Variants in ADARB2 observed in about 807,000 individuals in gnomAD.
ADARB2 encodes inactive double-stranded RNA-specific editase B2.
ADARB2 carries 25 observed loss-of-function variants against 62.2 expected under a neutral mutation model. The ratio of observed to expected loss-of-function variants is 0.40; its 90% CI spans 0.29 to 0.56. The LOEUF (loss-of-function observed/expected upper bound fraction) is 0.56. Ranked by LOEUF, ADARB2 falls within the 20% of genes least tolerant of loss-of-function variation. The pLI, the probability that ADARB2 is intolerant of heterozygous loss-of-function variation, is 0.43. For missense variants in ADARB2, 1,071 were observed against 1,077.4 expected, an observed-to-expected ratio of 0.99 and a Z score of 0.08; for synonymous variants, 572 against 500.8, an observed-to-expected ratio of 1.14 and a Z score of -1.90.
intron 1 of ADARB2, among the ~76,000 whole-genome samples, chr10:1,442,416 T>G (rs1412961789): frequency 1.3e-5 from 2 of 152,220 alleles, no homozygotes; most frequent in African/African-American, 4.8e-5. Flanking sequence ...ATGTTTCATG[T>G]TTTCAGTGTG....
chr10:1,605,296 T>C (rs1427079874), intron 1 of ADARB2, among the ~76,000 whole-genome samples: 2 of 152,192 alleles, frequency 1.3e-5, no homozygotes, highest in African/African-American at 4.8e-5. Context: ...GGTTTGCTGG[T>C]CACTGATGCA....
At chr10:1,254,254 G>T (rs1468518305) in intron 4 of ADARB2, among the ~76,000 whole-genome samples, 5 of 151,624 alleles carry the variant, frequency 3.3e-5, no homozygotes, top group African/African-American at 1.2e-4. Context: ...TAGAACTCCA[G>T]TGCCTGTGAG....
chr10:1,181,544 C>T lies in ADARB2; in HGVS notation c.*1649G>A, dbSNP rs1285271381. Reference sequence around the variant, plus strand: ...AAATCCCAGGAAAAGTTTCTTTTTCCATACTAATATCTCTACTTCTTATTA... The same window carrying T: ...AAATCCCAGGAAAAGTTTCTTTTTCTATACTAATATCTCTACTTCTTATTA... On this transcript the variant is annotated 3_prime_UTR_variant, in exon 10 of 10. Coordinates refer to ENST00000381312, the MANE Select transcript of ADARB2 (RefSeq NM_018702.4). 6.6e-6 allele frequency: 1 copy of T among 152,186 alleles called. No homozygotes were observed. Among genetic ancestry groups the T allele is most frequent in the Non-Finnish European group, 1.5e-5 (1 of 68,038 alleles). 9.4% of individuals were successfully genotyped at this position (152,186 alleles called of 1,614,324 possible).
chr10:1,383,891 G>A (rs1025319600), intron 1 of ADARB2, among the ~76,000 whole-genome samples: 3 of 152,174 alleles, frequency 2.0e-5, no homozygotes, highest in African/African-American at 7.2e-5. Context: ...TATCCTTGTA[G>A]TGGCTGCTGA....
chr10:1,436,940 A>T (rs1830840889), intron 1 of ADARB2, among the ~76,000 whole-genome samples: 1 of 152,224 alleles, frequency 6.6e-6, no homozygotes, highest in Non-Finnish European at 1.5e-5. Context: ...GGATAAAAAA[A>T]TCAGAAAAGT....
intron 1 of ADARB2, among the ~76,000 whole-genome samples, chr10:1,491,788 T>G (rs1831625669): frequency 6.6e-6 from 1 of 152,048 alleles, no homozygotes; most frequent in South Asian, 2.1e-4. Context: ...GAAATCAGAG[T>G]GGAAAGACCT....
intron 1 of ADARB2, among the ~76,000 whole-genome samples, chr10:1,522,229 G>A (rs909196271): frequency 1.1e-4 from 16 of 152,296 alleles, no homozygotes; most frequent in Middle Eastern, 6.8e-3. Context: ...AGAGCCTCAC[G>A]TTTGAAGTAG....
chr10:1,680,432 C>T (rs1382737987), intron 1 of ADARB2, among the ~76,000 whole-genome samples: 8 of 152,196 alleles, frequency 5.3e-5, no homozygotes, highest in Non-Finnish European at 5.9e-5. Flanking sequence ...CAGTGTCCTC[C>T]GTAAAGACTG....
chr10:1,308,623 G>C (rs1245398439), intron 3 of ADARB2, among the ~76,000 whole-genome samples: 1 of 152,196 alleles, frequency 6.6e-6, no homozygotes, highest in Admixed American at 6.5e-5. Context: ...CACCAGCAGC[G>C]ACTGAATTTC....
intron 1 of ADARB2, chr10:1,678,133 C>A (rs1834489606): frequency 1.0e-6 from 1 of 984,420 alleles, no homozygotes; most frequent in Non-Finnish European, 1.2e-6. Context: ...TGGGTGAGTG[C>A]AGATGGCAGG....
At chr10:1,431,661 T>C (rs1278533000) in intron 1 of ADARB2, among the ~76,000 whole-genome samples, 1 of 151,948 alleles carries the variant, frequency 6.6e-6, no homozygotes, top group Non-Finnish European at 1.5e-5. Context: ...ATCAGTGAAA[T>C]GAAACTAGTT....
At position 1,426,930 on chromosome 10, in the gene ADARB2, C is replaced by G. The variant is rs544340789; in HGVS notation, c.101-47770G>C. On this transcript the variant is annotated intron_variant, in intron 1 of 9. Coordinates refer to ENST00000381312, the MANE Select transcript of ADARB2 (RefSeq NM_018702.4). This position sits in a 1 kb window ranked among gnomAD's most constrained non-coding sequence, Gnocchi z 4.1. ...GAAAGAGCCGGAGGACCCCTGTCCC[C>G]AAACCCTGCCCATCGGGAAGAGGCC... Among the ~76,000 whole-genome samples, 1 of 152,384 alleles carries G rather than the reference C, an allele frequency of 6.6e-6. No individual in the cohort carries two copies. The highest frequency in any genetic ancestry group is 1.9e-4 in the East Asian group (1 of 5,188).
chr10:1,556,562 A>G (rs1196849635), intron 1 of ADARB2: 2 of 406,376 alleles, frequency 4.9e-6, no homozygotes, highest in Admixed American at 5.9e-5. Context: ...TTTCGACTCC[A>G]TGGTCTGGGG....
intron 1 of ADARB2, among the ~76,000 whole-genome samples, chr10:1,669,504 A>G (rs758559876): frequency 2.0e-5 from 3 of 152,012 alleles, no homozygotes; most frequent in African/African-American, 4.8e-5. Context: ...AGGGAGACAC[A>G]GCTAGACACA....
At chr10:1,247,494 G>C (rs1830996877) in intron 4 of ADARB2, among the ~76,000 whole-genome samples, 3 of 152,066 alleles carry the variant, frequency 2.0e-5, no homozygotes, top group Admixed American at 2.0e-4. Flanking sequence ...ATTATTTTGA[G>C]ATACGTCCCA....
At chr10:1,374,469 G>A (rs997598320) in intron 2 of ADARB2, among the ~76,000 whole-genome samples, 4 of 152,208 alleles carry the variant, frequency 2.6e-5, no homozygotes, top group Non-Finnish European at 5.9e-5. Context: ...AAAGGCCAAC[G>A]CTTTATATTG....
intron 1 of ADARB2, among the ~76,000 whole-genome samples, chr10:1,472,335 G>A (rs1831334170): frequency 6.6e-6 from 1 of 152,206 alleles, no homozygotes; most frequent in African/African-American, 2.4e-5. Flanking sequence ...TGCGGCTCAG[G>A]GGTCAGCCAG....
chr10:1,266,407 G>A (rs1831200953), intron 4 of ADARB2, among the ~76,000 whole-genome samples: 2 of 149,504 alleles, frequency 1.3e-5, no homozygotes, highest in South Asian at 4.2e-4. Flanking sequence ...GGAAGCATTT[G>A]TTCAGCATGA....
chr10:1,205,809 T>A (rs1365441290), intron 7 of ADARB2, among the ~76,000 whole-genome samples: 3 of 152,130 alleles, frequency 2.0e-5, no homozygotes, highest in African/African-American at 4.8e-5. Flanking sequence ...CGAGACTGGG[T>A]AGATGCCATC....
Sources: allele counts gnomAD v4.1 joint callset (sites outside exome capture counted in the v4.1 genomes callset), GRCh38; gene constraint gnomAD v4.1.1; non-coding constraint Gnocchi (gnomAD v3.1); transcripts MANE v1.5; gene names NCBI Gene and HGNC (gene_info 2026-07-23, HGNC 2026-07-21).